Variants in UCK2 observed in about 807,000 individuals in gnomAD.
UCK2 encodes the protein cytidine monophosphokinase 2.
A neutral mutation model predicts 30.8 loss-of-function variants in UCK2; 6 were observed. That is an observed-to-expected ratio of 0.19 (90% confidence interval 0.11 to 0.38). UCK2 has a LOEUF of 0.38. Among genes scored for constraint, UCK2 ranks in the 10% least tolerant of loss-of-function variants. UCK2 has a pLI of 1.00. For missense variants in UCK2, 210 were observed against 339.8 expected (o/e 0.62, Z 3.00); for synonymous variants, 125 against 133.6 (o/e 0.94, Z 0.45).
chr1:165,842,748 G>A (rs1388898010), intron 1 of UCK2, among the ~76,000 whole-genome samples: 3 of 152,174 alleles, frequency 2.0e-5, no homozygotes, highest in East Asian at 1.9e-4. Flanking sequence ...TTGCCTGTCC[G>A]TCGGGTACAT....
rs114336051 is a variant in UCK2, at chr1:165,885,907, A to G, written c.100-4297A>G. Among the ~76,000 whole-genome samples the G allele has an allele frequency of 3.3e-3, 496 of 152,342 alleles. 3 individuals carry two copies. The highest frequency in any genetic ancestry group is 0.011 in the African/African-American group (467 of 41,566). ...GATAATAATTTTTAATTGTGGTAAA[A>G]TACACATAACATAAAATTTACCATC... is the stretch of plus-strand genomic sequence containing the variant. On this transcript the variant is annotated intron_variant, in intron 1 of 6. Coordinates refer to ENST00000367879, the MANE Select transcript of UCK2 (RefSeq NM_012474.5).
intron 1 of UCK2, among the ~76,000 whole-genome samples, chr1:165,869,293 G>A (rs1179787751): frequency 3.3e-5 from 5 of 152,028 alleles, no homozygotes; most frequent in Non-Finnish European, 5.9e-5. Context: ...CATGCTATTG[G>A]AAAAATGGTA....
intron 1 of UCK2, among the ~76,000 whole-genome samples, chr1:165,857,631 T>G (rs927278685): frequency 7.9e-5 from 12 of 152,116 alleles, no homozygotes; most frequent in African/African-American, 2.9e-4. Context: ...ATCGGAGGGC[T>G]TGGAACAGCA....
intron 1 of UCK2, among the ~76,000 whole-genome samples, chr1:165,881,318 A>G (rs1403839101): frequency 1.3e-5 from 2 of 151,268 alleles, no homozygotes; most frequent in African/African-American, 2.4e-5. Context: ...TATTTGTACT[A>G]TATTCTCCCC....
chr1:165,894,869 G>A (rs1385628432), intron 3 of UCK2, among the ~76,000 whole-genome samples: 1 of 152,172 alleles, frequency 6.6e-6, no homozygotes, highest in African/African-American at 2.4e-5. Flanking sequence ...ACTGTTTTAA[G>A]AGACTTTGTT....
At chr1:165,851,476 A>T (rs1479609743) in intron 1 of UCK2, among the ~76,000 whole-genome samples, 1 of 150,924 alleles carries the variant, frequency 6.6e-6, no homozygotes, top group African/African-American at 2.4e-5. Context: ...ATTCTGAAAG[A>T]CCTCCTTATA....
At chr1:165,853,675 T>C (rs1654657571) in intron 1 of UCK2, among the ~76,000 whole-genome samples, 1 of 152,210 alleles carries the variant, frequency 6.6e-6, no homozygotes, top group South Asian at 2.1e-4. Context: ...TGATGCTTTA[T>C]GACCCATGAA....
At chr1:165,884,399 C>T (rs1425072392) in intron 1 of UCK2, among the ~76,000 whole-genome samples, 1 of 152,196 alleles carries the variant, frequency 6.6e-6, no homozygotes, top group African/African-American at 2.4e-5. Context: ...TGATGGGATT[C>T]AAAAATGTTG....
chr1:165,864,846 A>G (rs1655010967), intron 1 of UCK2, among the ~76,000 whole-genome samples: 1 of 151,814 alleles, frequency 6.6e-6, no homozygotes, highest in Non-Finnish European at 1.5e-5. Flanking sequence ...TGCCTGGCTA[A>G]TTTTTATTTT....
At chr1:165,853,076 C>T (rs1426741760) in intron 1 of UCK2, among the ~76,000 whole-genome samples, 1 of 152,090 alleles carries the variant, frequency 6.6e-6, no homozygotes, top group East Asian at 1.9e-4. Context: ...TCCAAGGGGC[C>T]GCCTTCCAGT....
At chr1:165,852,182 T>G (rs1427920017) in intron 1 of UCK2, among the ~76,000 whole-genome samples, 2 of 152,208 alleles carry the variant, frequency 1.3e-5, no homozygotes, top group Non-Finnish European at 2.9e-5. Context: ...ATGGTTGAAC[T>G]AATTACAACA....
In UCK2 at chr1:165,880,187, A is replaced by G. The variant is rs113039861; in HGVS notation, c.100-10017A>G. On this transcript the variant is annotated intron_variant, in intron 1 of 6. Transcript: ENST00000367879. ...CACATTGTGCTCTCTTGATCTATTC[A>G]GTTTTTTAAGAACGGAGGAAAGTCA... Among the ~76,000 whole-genome samples the G allele has an allele frequency of 2.7e-4, 41 of 152,326 alleles. 1 individual carries two copies. Among genetic ancestry groups the G allele is most frequent in the African/African-American group, 9.6e-4 (40 of 41,574 alleles).
At chr1:165,882,602 C>G (rs1655525253) in intron 1 of UCK2, among the ~76,000 whole-genome samples, 1 of 152,172 alleles carries the variant, frequency 6.6e-6, no homozygotes, top group South Asian at 2.1e-4. Flanking sequence ...GGGCCGCTGT[C>G]TGCTTCCAAG....
At chr1:165,832,065 G>A (rs1448058596) in intron 1 of UCK2, among the ~76,000 whole-genome samples, 1 of 152,106 alleles carries the variant, frequency 6.6e-6, no homozygotes, top group Non-Finnish European at 1.5e-5. Context: ...CACCGTGCCC[G>A]GCCTTATTTT....
At chr1:165,843,731 C>A (rs557363741) in intron 1 of UCK2, among the ~76,000 whole-genome samples, 62 of 152,232 alleles carry the variant, frequency 4.1e-4, no homozygotes, top group African/African-American at 1.4e-3. Flanking sequence ...GATGGAGAGA[C>A]CCTGTCTCTA....
intron 1 of UCK2, among the ~76,000 whole-genome samples, chr1:165,855,892 A>G (rs1292180749): frequency 6.6e-6 from 1 of 152,050 alleles, no homozygotes; most frequent in African/African-American, 2.4e-5. Context: ...AAAATACACA[A>G]TCTATTCTCT....
At chr1:165,857,757 C>T (rs2101862691) in intron 1 of UCK2, among the ~76,000 whole-genome samples, 1 of 152,316 alleles carries the variant, frequency 6.6e-6, no homozygotes, top group East Asian at 1.9e-4. Context: ...CCACTGTATA[C>T]CACATGTCCT....
chr1:165,896,256 C>G lies in UCK2; in HGVS notation c.423C>G (p.Tyr141Ter), dbSNP rs1446363867. 1 of 1,614,224 alleles carries G rather than the reference C, an allele frequency of 6.2e-7. No individual in the cohort carries two copies. The highest frequency in any genetic ancestry group is 1.7e-5 in the Admixed American group (1 of 60,034). Residue 141 changes from tyrosine to a stop codon, truncating the protein, a stop_gained, in exon 4 of 7, where the codon TAC (tyrosine) becomes TAG (stop). Coordinates refer to ENST00000367879, the MANE Select transcript of UCK2 (RefSeq NM_012474.5). LOFTEE classifies it high-confidence loss of function. Reference protein sequence around the residue: ...VVLFEGILAFYSQEVRDLFQM... With the variant: ...VVLFEGILAF Reference sequence around the variant, plus strand: ...TCTTTGAAGGGATCCTGGCCTTCTACTCCCAGGAGGTACGAGACCTGTTCC... The same window carrying G: ...TCTTTGAAGGGATCCTGGCCTTCTAGTCCCAGGAGGTACGAGACCTGTTCC...
At chr1:165,900,686 G>A (rs2101886934) in intron 4 of UCK2, 1 of 152,582 alleles carries the variant, frequency 6.6e-6, no homozygotes. Flanking sequence ...TACGTGACAG[G>A]GTGTGGACGT....
Sources: allele counts gnomAD v4.1 joint callset (sites outside exome capture counted in the v4.1 genomes callset), GRCh38; gene constraint gnomAD v4.1.1; transcripts MANE v1.5; gene names NCBI Gene and HGNC (gene_info 2026-07-23, HGNC 2026-07-21).